Variants in PXDN observed in about 807,000 individuals in gnomAD.
The protein encoded by PXDN is peroxidasin.
PXDN carries 77 observed loss-of-function variants against 140.3 expected under a neutral mutation model. The ratio of observed to expected loss-of-function variants is 0.55; its 90% CI spans 0.46 to 0.66. The LOEUF (loss-of-function observed/expected upper bound fraction) is 0.66, where lower values mean the gene tolerates loss of function less well. Among genes scored for constraint, PXDN ranks in the 30% least tolerant of loss-of-function variants. The pLI is 0.00. For missense variants in PXDN, 1,838 were observed against 2,039.5 expected, an observed-to-expected ratio of 0.90 and a Z score of 1.90; for synonymous variants, 911 against 857.4, an observed-to-expected ratio of 1.06 and a Z score of -1.09.
intron 1 of PXDN, among the ~76,000 whole-genome samples, chr2:1,702,211 A>G (rs1038351434): frequency 2.6e-5 from 4 of 152,214 alleles, no homozygotes; most frequent in African/African-American, 9.6e-5. Context: ...GAAGGAGCAG[A>G]GGAGGCTTGA....
At chr2:1,635,547 T>C (rs1484878055) in intron 21 of PXDN, 26 bp from the exon 22 acceptor site, 8 of 1,507,096 alleles carry the variant, frequency 5.3e-6, no homozygotes, top group Non-Finnish European at 4.5e-6. Flanking sequence ...GAACATTCAT[T>C]CATTGGGCAC....
At chr2:1,645,457 T>C (rs966079698) in intron 17 of PXDN, among the ~76,000 whole-genome samples, 21 of 152,190 alleles carry the variant, frequency 1.4e-4, no homozygotes, top group African/African-American at 4.1e-4. Flanking sequence ...TTAACATATA[T>C]ATATTCTATA....
intron 1 of PXDN, among the ~76,000 whole-genome samples, chr2:1,701,799 G>A (rs1684440335): frequency 1.3e-5 from 2 of 152,174 alleles, no homozygotes; most frequent in African/African-American, 4.8e-5. Context: ...AGGCTATGGC[G>A]GTGGTGCCCC....
chr2:1,670,434 A>C (rs564023255), intron 9 of PXDN, among the ~76,000 whole-genome samples: 1 of 152,310 alleles, frequency 6.6e-6, no homozygotes, highest in African/African-American at 2.4e-5. Flanking sequence ...GAAACTACTA[A>C]GCATTTTGGG....
rs1683393430 is a variant in PXDN, at chr2:1,664,829, T to G, written c.1408+129A>C. ...ACCTCTGCGCTTCCCAGTGCCTTGG[T>G]CCTGTGGAATCCAGTCCCAGCTCAG... On this transcript the variant is annotated intron_variant, in intron 11 of 22. Transcript: ENST00000252804. The G allele has an allele frequency of 5.0e-6, 4 of 803,496 alleles. No homozygotes were observed. The East Asian group carries it at 1.1e-4, about 22-fold the overall frequency. The allele number at this position is 803,496 out of a possible 1,614,324, so 49.8% of individuals were successfully genotyped here.
At chr2:1,652,924 C>T (rs918442746) in intron 16 of PXDN, among the ~76,000 whole-genome samples, 8 of 126,170 alleles carry the variant, frequency 6.3e-5, no homozygotes, top group African/African-American at 2.1e-4. Context: ...CATTCTCCTC[C>T]GTGCTCTGTG....
At chr2:1,683,801 G>A (rs1441647623) in intron 5 of PXDN, 74 bp from the exon 6 acceptor site, 1 of 1,177,362 alleles carries the variant, frequency 8.5e-7, no homozygotes, top group Non-Finnish European at 1.2e-6. Flanking sequence ...AATATAAGCA[G>A]TCAAATATAT....
intron 21 of PXDN, chr2:1,636,669 G>C (rs546706468): frequency 7.7e-6 from 1 of 130,360 alleles, no homozygotes; most frequent in African/African-American, 2.8e-5. Flanking sequence ...TCAAAGCTTA[G>C]AACTTTCTAG....
intron 17 of PXDN, among the ~76,000 whole-genome samples, chr2:1,645,394 C>A (rs1159516265): frequency 6.6e-6 from 1 of 152,210 alleles, no homozygotes; most frequent in Non-Finnish European, 1.5e-5. Context: ...TAGAACTCGA[C>A]TACGCAGCAG....
rs1426078848 is a variant in PXDN at position 1,716,108 on chromosome 2, TGGGC to T, written c.201-22978_201-22975del. 7.2e-5 allele frequency among the ~76,000 whole-genome samples: 11 copies of T among 152,138 alleles called. No individual in the cohort carries two copies. In the East Asian group the frequency reaches 2.1e-3, roughly 29 times the overall value. ...GGCTGTGGCTTCCTGGACAGATGCC[TGGGC>T]CTCTCTGAGCCTCAGTGTACGTATC... On this transcript the variant is annotated intron_variant, in intron 1 of 22. Transcript: ENST00000252804.
rs1683002773 is a variant in PXDN, at chr2:1,651,022, G to T, written c.2105-1347C>A. ...AAGTCAGAAACACACACCCTGGTGT[G>T]TTGGGTGGGAAAGGTCTGTGCAGGG... is the stretch of plus-strand genomic sequence containing the variant. On this transcript the variant is annotated intron_variant, in intron 16 of 22. Coordinates refer to ENST00000252804, the MANE Select transcript of PXDN (RefSeq NM_012293.3). The surrounding 1 kb of genome is among the most constrained non-coding windows in gnomAD (Gnocchi z 4.4). Among the ~76,000 whole-genome samples the T allele has an allele frequency of 2.6e-5, 4 of 152,110 alleles. No homozygotes were observed. Among genetic ancestry groups the T allele is most frequent in the African/African-American group, 9.7e-5 (4 of 41,432 alleles).
intron 1 of PXDN, among the ~76,000 whole-genome samples, chr2:1,710,658 C>T (rs1346411257): frequency 8.0e-5 from 10 of 124,230 alleles, no homozygotes; most frequent in African/African-American, 3.0e-4. Context: ...ACCCACTCTC[C>T]ACCAGCACCC....
rs1337766104 is a variant in PXDN, at chr2:1,654,459, C to T, written c.1887G>A (p.Val629=). 3.7e-6 allele frequency: 6 copies of T among 1,613,658 alleles called. No homozygotes were observed. The highest frequency in any genetic ancestry group is 5.1e-6 in the Non-Finnish European group (6 of 1,179,726). ...CTCTGTCAACAGTCGCAATCGCTTC[C>T]ACGATGGAGGTAGCTACAAACGGAT... ...NGDPFVATSI[V]EAIATVDRAI... is the part of the protein sequence containing the mutation. The change falls in exon 15 of 23, where the codon GTG becomes GTA. Residue 629 remains valine, a synonymous_variant. Coordinates refer to ENST00000252804, the MANE Select transcript of PXDN (RefSeq NM_012293.3).
intron 9 of PXDN, among the ~76,000 whole-genome samples, chr2:1,667,753 A>T (rs1683479601): frequency 6.6e-6 from 1 of 152,224 alleles, no homozygotes; most frequent in African/African-American, 2.4e-5. Context: ...ACAGGACTTG[A>T]AGGACCTCTT....
intron 1 of PXDN, among the ~76,000 whole-genome samples, chr2:1,741,538 C>T (rs1685545645): frequency 6.6e-6 from 1 of 152,072 alleles, no homozygotes; most frequent in African/African-American, 2.4e-5. Flanking sequence ...TTCCAAAGCC[C>T]CCAAGCCACA....
chr2:1,726,751 C>A (rs1685195792), intron 1 of PXDN, among the ~76,000 whole-genome samples: 1 of 152,054 alleles, frequency 6.6e-6, no homozygotes, highest in African/African-American at 2.4e-5. Flanking sequence ...TATAGGGTGC[C>A]TTTTCATCTT....
rs1685635656 is a variant in PXDN at position 1,744,255 on chromosome 2, C to T, written c.200+1G>A. The T allele has an allele frequency of 1.3e-6, 2 of 1,497,820 alleles. No homozygotes were observed. Among genetic ancestry groups the T allele is most frequent in the Non-Finnish European group, 1.8e-6 (2 of 1,128,382 alleles). The allele number at this position is 1,497,820 out of a possible 1,614,324, so 92.8% of individuals were successfully genotyped here. On this transcript the variant is annotated splice_donor_variant, in intron 1 of 22. Coordinates refer to ENST00000252804, the MANE Select transcript of PXDN (RefSeq NM_012293.3). LOFTEE classifies it high-confidence loss of function. ...CCCCCGGCGTCCCCCGCGGCACTCA[C>T]AGGATGGAGGTCTGCGGCGCCACGG... is the stretch of plus-strand genomic sequence containing the variant.
At chr2:1,712,949 T>G (rs112236796) in intron 1 of PXDN, among the ~76,000 whole-genome samples, 79 of 152,344 alleles carry the variant, frequency 5.2e-4, no homozygotes, top group African/African-American at 1.9e-3. Context: ...GGTCTCGAAC[T>G]CCTGATCTCG....
intron 7 of PXDN, among the ~76,000 whole-genome samples, chr2:1,678,714 A>T (rs532148865): frequency 6.6e-6 from 1 of 152,280 alleles, no homozygotes; most frequent in African/African-American, 2.4e-5. Flanking sequence ...GGCCCCCCTG[A>T]GCACCGAGGG....
Sources: gnomAD v4.1 joint callset for allele counts (sites outside exome capture counted in the v4.1 genomes callset) on GRCh38, gnomAD v4.1.1 for gene constraint, Gnocchi (gnomAD v3.1) non-coding constraint, MANE v1.5 for transcripts, NCBI Gene and HGNC (gene_info 2026-07-23, HGNC 2026-07-21) for gene names.